The following CUX2 variants were observed in gnomAD, a reference collection of about 807,000 sequenced individuals.
CUX2 encodes cut like homeobox 2.
Under a neutral mutation model 144.8 loss-of-function variants are expected in CUX2, and 40 were observed. The ratio of observed to expected loss-of-function variants is 0.28; its 90% CI spans 0.21 to 0.36. CUX2 has a LOEUF of 0.36. Ranked by LOEUF, CUX2 falls within the 10% of genes least tolerant of loss-of-function variation. The pLI is 1.00. For missense variants in CUX2, 1,615 were observed against 1,994.0 expected (o/e 0.81, Z 3.62); for synonymous variants, 827 against 875.6 (o/e 0.94, Z 0.98).
intron 1 of CUX2, among the ~76,000 whole-genome samples, chr12:111,045,803 C>G (rs1869970709): frequency 6.6e-6 from 1 of 152,200 alleles, no homozygotes; most frequent in South Asian, 2.1e-4. Flanking sequence ...TAAAATGGGA[C>G]TGAAACACAG....
At chr12:111,206,875 G>A (rs1328097445) in intron 1 of CUX2, among the ~76,000 whole-genome samples, 1 of 152,188 alleles carries the variant, frequency 6.6e-6, no homozygotes, top group Admixed American at 6.5e-5. Flanking sequence ...ATAGATAAAG[G>A]CATGGTTGGT....
At chr12:111,053,095 T>A (rs1466960824) in intron 1 of CUX2, among the ~76,000 whole-genome samples, 1 of 152,126 alleles carries the variant, frequency 6.6e-6, no homozygotes, top group East Asian at 1.9e-4. Context: ...AGAGGACTGC[T>A]CAGTGCCTCA....
intron 1 of CUX2, chr12:111,099,600 G>A (rs1873076248): frequency 4.4e-6 from 2 of 456,614 alleles, no homozygotes; most frequent in East Asian, 6.9e-5. Context: ...CCCTCACATG[G>A]GAGAACAGGA....
rs949124940 is a variant in CUX2, at chr12:111,178,346, A to G, written c.64-35854A>G. ...CTCTCTGTATGAGAGACCCTAGTAC[A>G]TATCTGTATTTTGGGCAGACAGCCC... is the stretch of plus-strand genomic sequence containing the variant. On this transcript the variant is annotated intron_variant, in intron 1 of 21. Coordinates refer to ENST00000261726, the MANE Select transcript of CUX2 (RefSeq NM_015267.4). The surrounding 1 kb of genome is among the most constrained non-coding windows in gnomAD (Gnocchi z 5.7). Among the ~76,000 whole-genome samples, 1 of 152,242 alleles carries G rather than the reference A, an allele frequency of 6.6e-6. No homozygotes were observed. Among genetic ancestry groups the G allele is most frequent in the Non-Finnish European group, 1.5e-5 (1 of 68,048 alleles).
intron 9 of CUX2, among the ~76,000 whole-genome samples, chr12:111,301,819 A>G (rs1275961265): frequency 6.6e-6 from 1 of 152,216 alleles, no homozygotes; most frequent in African/African-American, 2.4e-5. Flanking sequence ...ACCCAGCTTT[A>G]CTGTTCAGGG....
chr12:111,088,461 G>A (rs999266662), intron 1 of CUX2, among the ~76,000 whole-genome samples: 4 of 151,962 alleles, frequency 2.6e-5, no homozygotes, highest in Admixed American at 1.3e-4. Context: ...AAAAAAAAAA[G>A]TAAAGGACTG....
intron 3 of CUX2, among the ~76,000 whole-genome samples, chr12:111,235,909 G>C (rs111639210): frequency 1.3e-5 from 2 of 152,090 alleles, no homozygotes; most frequent in African/African-American, 4.8e-5. Flanking sequence ...TAGCAGAAGA[G>C]GACCTGGCTT....
intron 4 of CUX2, among the ~76,000 whole-genome samples, chr12:111,267,059 A>G (rs1177365516): frequency 2.0e-5 from 3 of 152,038 alleles, no homozygotes; most frequent in Admixed American, 1.3e-4. Flanking sequence ...TTATCTGGGC[A>G]TGGTCGTGGG....
intron 1 of CUX2, among the ~76,000 whole-genome samples, chr12:111,075,544 C>T (rs936072225): frequency 1.4e-4 from 21 of 152,114 alleles, no homozygotes; most frequent in Non-Finnish European, 2.4e-4. Context: ...TTGGGGGCAG[C>T]GTTCGGATGC....
intron 3 of CUX2, among the ~76,000 whole-genome samples, chr12:111,239,837 T>C (rs1329577891): frequency 6.6e-6 from 1 of 152,160 alleles, no homozygotes; most frequent in African/African-American, 2.4e-5. Flanking sequence ...CTGTCTGGGT[T>C]CTATCCCTGG....
intron 1 of CUX2, among the ~76,000 whole-genome samples, chr12:111,114,457 A>T (rs1311840899): frequency 6.6e-6 from 1 of 152,082 alleles, no homozygotes; most frequent in Non-Finnish European, 1.5e-5. Flanking sequence ...TTTCTTCTTG[A>T]TGAATTTTGA....
intron 21 of CUX2, 151 bp downstream of exon 21, chr12:111,342,204 G>A (rs1888609238): frequency 1.1e-6 from 1 of 951,382 alleles, no homozygotes; most frequent in African/African-American, 1.7e-5. Flanking sequence ...AGGCCCAAGT[G>A]CAGTGGTTCA....
chr12:111,116,758 A>T (rs1874329284), intron 1 of CUX2, among the ~76,000 whole-genome samples: 1 of 152,230 alleles, frequency 6.6e-6, no homozygotes, highest in South Asian at 2.1e-4. Context: ...GAATTCCTTC[A>T]GGGCTTTCCT....
chr12:111,100,854 T>C (rs556096900), intron 1 of CUX2, among the ~76,000 whole-genome samples: 1 of 151,404 alleles, frequency 6.6e-6, no homozygotes, highest in Non-Finnish European at 1.5e-5. Context: ...ACTTCCATCT[T>C]GCATGGGGGA....
chr12:111,294,823 G>T (rs1385136667), intron 6 of CUX2, among the ~76,000 whole-genome samples: 1 of 151,934 alleles, frequency 6.6e-6, no homozygotes, highest in Non-Finnish European at 1.5e-5. Flanking sequence ...GCTTGAACCT[G>T]GGAGGCGGAG....
In CUX2 at chr12:111,073,116, C is replaced by T. The variant is rs75160172; in HGVS notation, c.63+38876C>T. 7.6e-3 allele frequency among the ~76,000 whole-genome samples: 1,160 copies of T among 152,222 alleles called. 14 individuals carry two copies. The highest frequency in any genetic ancestry group is 0.026 in the African/African-American group (1,093 of 41,524). The stretch of plus-strand genomic sequence containing the variant: ...CAAACTGAACATACTCATGGAATTT[C>T]CACTCAAATTAAGAACTAGAAAATC... On this transcript the variant is annotated intron_variant, in intron 1 of 21. Transcript: ENST00000261726.
At chr12:111,341,163 G>A (rs118155529) in intron 20 of CUX2, among the ~76,000 whole-genome samples, 10 of 152,260 alleles carry the variant, frequency 6.6e-5, no homozygotes, top group East Asian at 5.8e-4. Flanking sequence ...GCATGGTGGC[G>A]TGCACCTGTA....
intron 3 of CUX2, among the ~76,000 whole-genome samples, chr12:111,221,730 T>C (rs1881869543): frequency 6.6e-6 from 1 of 152,168 alleles, no homozygotes; most frequent in South Asian, 2.1e-4. Flanking sequence ...GTTCAGAATC[T>C]GGGCATACTT....
intron 1 of CUX2, among the ~76,000 whole-genome samples, chr12:111,113,714 C>T (rs939247529): frequency 1.3e-5 from 2 of 152,132 alleles, no homozygotes; most frequent in African/African-American, 4.8e-5. Flanking sequence ...GCCACCACAC[C>T]CAGCTAATTT....
Sources: gnomAD v4.1 joint callset for allele counts (sites outside exome capture counted in the v4.1 genomes callset) on GRCh38, gnomAD v4.1.1 for gene constraint, Gnocchi (gnomAD v3.1) non-coding constraint, MANE v1.5 for transcripts, NCBI Gene and HGNC (gene_info 2026-07-23, HGNC 2026-07-21) for gene names.